FILIP1: variants seen among roughly 807,000 people sequenced by gnomAD.
The protein encoded by FILIP1 is filamin-A-interacting protein 1.
In FILIP1, 61 loss-of-function variants were observed where a neutral mutation model predicts 102.1. The observed-to-expected ratio is 0.60, with a 90% CI of 0.49 to 0.74. The LOEUF is 0.74. FILIP1 is among the 30% of genes least tolerant of loss of function. FILIP1 has a pLI of 0.00. For synonymous variants in FILIP1, 491 were observed against 526.9 expected (o/e 0.93, Z 0.93); for missense variants, 1,314 against 1,441.2 (o/e 0.91, Z 1.43).
Position 75,340,860 on chromosome 6 carries a change from AAT to A in FILIP1, c.629+12677_629+12678del, listed in dbSNP as rs202014601. ...ATAGGCGCACACCACAATGCTCAGGAATTTTTTTTTTTTTTTTTTTTTTTGTA... is the reference window on the plus strand; with the variant it reads ...ATAGGCGCACACCACAATGCTCAGGATTTTTTTTTTTTTTTTTTTTTTGTA... On this transcript the variant is annotated intron_variant, in intron 4 of 5. Transcript: ENST00000237172. 7.5e-3 allele frequency among the ~76,000 whole-genome samples: 815 copies of A among 108,526 alleles called. 22 individuals are homozygous for A. In the East Asian group the frequency reaches 0.1, roughly 14 times the overall value. The allele number at this position is 108,526 out of a possible 152,430, so 71.2% of individuals were successfully genotyped here.
chr6:75,414,882 T>A lies in FILIP1; in HGVS notation c.91A>T (p.Ser31Cys), dbSNP rs757632388. Residue 31 changes from serine (S) to cysteine (C), a missense_variant, in exon 2 of 6, where the codon AGT (serine) becomes TGT (cysteine). Physicochemically the swap from Ser to Cys is moderately radical, Grantham distance 112 (BLOSUM62 -1). This residue lies in a region of FILIP1 where 494 missense variants were observed against 511.2 expected (regional missense o/e 0.97). Coordinates refer to ENST00000237172, the MANE Select transcript of FILIP1 (RefSeq NM_015687.5). ...TTCTTTTTTGCATCTTCTGAGAGAC[T>A]TTTTTCACCAGCATTGCCGATGATG... ...PSIIGNAGEK[S>C]LSEDAKKKKK... 2.5e-6 allele frequency: 4 copies of A among 1,613,868 alleles called. No individual in the cohort carries two copies. Among genetic ancestry groups the A allele is most frequent in the Non-Finnish European group, 1.7e-6 (2 of 1,179,830 alleles).
intron 4 of FILIP1, among the ~76,000 whole-genome samples, chr6:75,346,581 T>A (rs1275970675): frequency 6.6e-6 from 1 of 152,164 alleles, no homozygotes; most frequent in East Asian, 1.9e-4. Context: ...GTAGGTATGT[T>A]ACTATCCTAT....
intron 4 of FILIP1, among the ~76,000 whole-genome samples, chr6:75,336,337 G>A (rs545568454): frequency 6.0e-4 from 92 of 152,144 alleles, no homozygotes; most frequent in Non-Finnish European, 1.1e-3. Flanking sequence ...TAACTTACAG[G>A]GCTGTTATGA....
chr6:75,435,550 A>C (rs530331115), intron 1 of FILIP1, among the ~76,000 whole-genome samples: 1 of 152,282 alleles, frequency 6.6e-6, no homozygotes, highest in Non-Finnish European at 1.5e-5. Context: ...CTGGCAGTAA[A>C]ATTATGGCCT....
At chr6:75,325,222 G>A (rs1367871947) in intron 4 of FILIP1, among the ~76,000 whole-genome samples, 1 of 152,198 alleles carries the variant, frequency 6.6e-6, no homozygotes, top group Non-Finnish European at 1.5e-5. Flanking sequence ...AGGAGTTCGA[G>A]ACCAGCCTGG....
chr6:75,341,369 G>T (rs181273101), intron 4 of FILIP1, among the ~76,000 whole-genome samples: 20 of 151,838 alleles, frequency 1.3e-4, no homozygotes, highest in African/African-American at 3.6e-4. Flanking sequence ...TGTTGCCAAG[G>T]CTGGTCTTGA....
At chr6:75,421,411 C>T (rs936478495) in intron 1 of FILIP1, among the ~76,000 whole-genome samples, 1 of 152,288 alleles carries the variant, frequency 6.6e-6, no homozygotes, top group East Asian at 1.9e-4. Flanking sequence ...GTAACCAGGA[C>T]ACAGGTCCCA....
chr6:75,469,145 A>G (rs976215860), intron 1 of FILIP1, among the ~76,000 whole-genome samples: 1 of 152,080 alleles, frequency 6.6e-6, no homozygotes, highest in African/African-American at 2.4e-5. Context: ...AAACAACGAT[A>G]GGAATTTTTA....
intron 2 of FILIP1, among the ~76,000 whole-genome samples, chr6:75,403,393 C>T (rs1192440595): frequency 6.6e-6 from 1 of 151,306 alleles, no homozygotes; most frequent in Non-Finnish European, 1.5e-5. Context: ...TGCATGCCTA[C>T]AGTCCCAGCT....
intron 2 of FILIP1, among the ~76,000 whole-genome samples, chr6:75,399,938 G>A (rs1043758984): frequency 6.6e-6 from 1 of 152,076 alleles, no homozygotes; most frequent in African/African-American, 2.4e-5. Flanking sequence ...GGAGGGGTTG[G>A]AGACTTTTAA....
At chr6:75,486,532 A>G (rs577824003) in intron 1 of FILIP1, among the ~76,000 whole-genome samples, 1 of 152,328 alleles carries the variant, frequency 6.6e-6, no homozygotes, top group East Asian at 1.9e-4. Context: ...TACATGTTTC[A>G]GTAAAACATC....
intron 1 of FILIP1, among the ~76,000 whole-genome samples, chr6:75,456,687 G>C (rs1203108257): frequency 1.3e-5 from 2 of 151,702 alleles, no homozygotes; most frequent in Non-Finnish European, 2.9e-5. Context: ...AGCATCCTGA[G>C]TAACTGGGAT....
At chr6:75,332,372 A>C (rs1774112256) in intron 4 of FILIP1, among the ~76,000 whole-genome samples, 1 of 152,184 alleles carries the variant, frequency 6.6e-6, no homozygotes, top group Non-Finnish European at 1.5e-5. Flanking sequence ...TAATGTGTAT[A>C]ATCAGCCAGG....
intron 2 of FILIP1, among the ~76,000 whole-genome samples, chr6:75,400,254 T>A (rs966690455): frequency 6.6e-6 from 1 of 152,108 alleles, no homozygotes; most frequent in Non-Finnish European, 1.5e-5. Flanking sequence ...TAGAAAAAAA[T>A]TGAACTGGAA....
rs376930264 is a variant in FILIP1, at chr6:75,463,601, AG to A, written c.-7+29812del. Among the ~76,000 whole-genome samples, 84 of 152,318 alleles carry A rather than the reference AG, an allele frequency of 5.5e-4. 1 individual carries two copies. The highest frequency in any genetic ancestry group is 2.0e-3 in the African/African-American group (82 of 41,584). ...ACAGTTTTCTGGATATCATAAAATA[AG>A]GGTTCTTTGCACAGCATAGGTCACT... On this transcript the variant is annotated intron_variant, in intron 1 of 5. Transcript: ENST00000237172.
chr6:75,442,497 A>T lies in FILIP1; in HGVS notation c.-6-27519T>A, dbSNP rs1778299474. ...CTGAGTGAACCAGACTCCGTCTGCA[A>T]TCCCGGCACCTCGGGAGGCCGAGGC... is the stretch of plus-strand genomic sequence containing the variant. On this transcript the variant is annotated intron_variant, in intron 1 of 5. Coordinates refer to ENST00000237172, the MANE Select transcript of FILIP1 (RefSeq NM_015687.5). Among the ~76,000 whole-genome samples the T allele has an allele frequency of 2.0e-5, 3 of 152,306 alleles. No individual in the cohort carries two copies. The South Asian group carries it at 6.2e-4, about 32-fold the overall frequency.
chr6:75,302,022 G>T (rs896747520), intron 6 of FILIP1, among the ~76,000 whole-genome samples: 4 of 152,146 alleles, frequency 2.6e-5, no homozygotes, highest in Non-Finnish European at 5.9e-5. Context: ...CATTCTTGAA[G>T]TGCCTTTGTG....
At chr6:75,453,170 CCTT>C (rs1778694426) in intron 1 of FILIP1, among the ~76,000 whole-genome samples, 2 of 152,204 alleles carry the variant, frequency 1.3e-5, no homozygotes, top group Non-Finnish European at 2.9e-5. Context: ...TTTCTCCTGT[CCTT>C]CTCCCCTTTG....
chr6:75,486,732 G>A (rs892652368), intron 1 of FILIP1, among the ~76,000 whole-genome samples: 2 of 152,032 alleles, frequency 1.3e-5, no homozygotes, highest in African/African-American at 2.4e-5. Context: ...ACCTCATAGG[G>A]TTGTTACGAG....
Sources: gnomAD v4.1 joint callset for allele counts (sites outside exome capture counted in the v4.1 genomes callset) on GRCh38, gnomAD v4.1.1 for gene constraint, gnomAD v4.1.1 regional missense constraint, MANE v1.5 for transcripts, NCBI Gene and HGNC (gene_info 2026-07-23, HGNC 2026-07-21) for gene names.